NPFFR2: variants seen among roughly 807,000 people sequenced by gnomAD.
NPFFR2 encodes the protein G-protein coupled receptor 74.
In NPFFR2, 15 loss-of-function variants were observed where a neutral mutation model predicts 13.1. That is an observed-to-expected ratio of 1.15 (90% CI 0.77 to 1.76). The LOEUF (loss-of-function observed/expected upper bound fraction) is 1.76, where lower values mean the gene tolerates loss of function less well. Ranked by LOEUF, NPFFR2 falls within the 40% of genes most tolerant of loss-of-function variation. The probability of loss-of-function intolerance (pLI) is 0.00; values close to 1 mark genes in which losing one functional copy is unlikely to be tolerated. For missense variants in NPFFR2, 572 were observed against 503.5 expected, an observed-to-expected ratio of 1.14 and a Z score of -1.30; for synonymous variants, 190 against 175.7, an observed-to-expected ratio of 1.08 and a Z score of -0.65.
At chr4:72,140,805 T>C (rs1267240576) in intron 3 of NPFFR2, among the ~76,000 whole-genome samples, 7 of 152,206 alleles carry the variant, frequency 4.6e-5, no homozygotes, top group Non-Finnish European at 1.0e-4. Flanking sequence ...TTCCCTCTTT[T>C]TCTATTGATT....
chr4:72,105,858 G>A (rs1206431955), intron 1 of NPFFR2, among the ~76,000 whole-genome samples: 1 of 151,888 alleles, frequency 6.6e-6, no homozygotes, highest in Non-Finnish European at 1.5e-5. Context: ...CTTGCGTTTG[G>A]GGTTTATCCT....
rs561207130 is a variant in NPFFR2, at chr4:72,130,552, A to T, written c.328+1633A>T. ...TTGTGATGTTTATCATTAAAAAAAA[A>T]TTTTATTGAGGTTGTGATGAAAGGA... On this transcript the variant is annotated intron_variant, in intron 2 of 3. Coordinates refer to ENST00000308744, the MANE Select transcript of NPFFR2 (RefSeq NM_004885.3). Among the ~76,000 whole-genome samples, 6 of 152,188 alleles carry T rather than the reference A, an allele frequency of 3.9e-5. No individual in the cohort carries two copies. The East Asian group carries it at 9.7e-4, about 25-fold the overall frequency.
chr4:72,073,739 A>G (rs1458501640), intron 1 of NPFFR2, among the ~76,000 whole-genome samples: 1 of 152,054 alleles, frequency 6.6e-6, no homozygotes, highest in Non-Finnish European at 1.5e-5. Flanking sequence ...GACAACTAAA[A>G]AAGGTAGTGC....
intron 1 of NPFFR2, among the ~76,000 whole-genome samples, chr4:72,082,485 G>GT (rs147405640): frequency 0.03 from 4,482 of 151,896 alleles, 212 homozygotes; most frequent in African/African-American, 0.1. Context: ...TACTCAACTT[G>GT]TTTTTCTTAA....
chr4:72,068,958 T>C (rs1479276344), intron 1 of NPFFR2: 1 of 1,430,672 alleles, frequency 7.0e-7, no homozygotes, highest in South Asian at 1.4e-5. Context: ...GCTTTTGACA[T>C]ACAAGAAACA....
chr4:72,091,763 A>G (rs1560408679), intron 1 of NPFFR2, among the ~76,000 whole-genome samples: 1 of 151,688 alleles, frequency 6.6e-6, no homozygotes, highest in African/African-American at 2.4e-5. Flanking sequence ...TATCAATTTT[A>G]TTTACCTTTT....
chr4:72,140,723 T>C (rs1722581188), intron 3 of NPFFR2, among the ~76,000 whole-genome samples: 1 of 152,160 alleles, frequency 6.6e-6, no homozygotes, highest in Non-Finnish European at 1.5e-5. Context: ...AAATTCTCTT[T>C]TTTTTGGGGG....
At chr4:72,050,162 G>T (rs1719500470) in intron 1 of NPFFR2, among the ~76,000 whole-genome samples, 1 of 152,028 alleles carries the variant, frequency 6.6e-6, no homozygotes, top group Non-Finnish European at 1.5e-5. Context: ...GGAGTTTGGA[G>T]ATTTTCCATG....
chr4:72,062,906 C>A (rs1309391597), intron 1 of NPFFR2, among the ~76,000 whole-genome samples: 1 of 151,364 alleles, frequency 6.6e-6, no homozygotes, highest in Non-Finnish European at 1.5e-5. Context: ...AAACCAAGCC[C>A]ACTTCATATT....
intron 2 of NPFFR2, among the ~76,000 whole-genome samples, chr4:72,136,199 T>A (rs946631215): frequency 2.6e-5 from 4 of 151,974 alleles, no homozygotes; most frequent in South Asian, 2.1e-4. Context: ...CTACTAAAAA[T>A]TTTTTTTAAA....
At chr4:72,130,524 T>A (rs1239695747) in intron 2 of NPFFR2, among the ~76,000 whole-genome samples, 1 of 151,758 alleles carries the variant, frequency 6.6e-6, no homozygotes, top group Non-Finnish European at 1.5e-5. Context: ...TAGATCTGAG[T>A]TTTTGTGATG....
At chr4:72,098,561 G>T (rs1198102220) in intron 1 of NPFFR2, among the ~76,000 whole-genome samples, 1 of 152,114 alleles carries the variant, frequency 6.6e-6, no homozygotes, top group Non-Finnish European at 1.5e-5. Context: ...TTCCAGTGTG[G>T]TCTAGGGAAG....
At chr4:72,135,774 G>T (rs1722389717) in intron 2 of NPFFR2, among the ~76,000 whole-genome samples, 1 of 149,188 alleles carries the variant, frequency 6.7e-6, no homozygotes. Context: ...TTTCCCTAGT[G>T]TTAACTGCTT....
At chr4:72,136,259 G>C (rs893988571) in intron 2 of NPFFR2, among the ~76,000 whole-genome samples, 2 of 152,126 alleles carry the variant, frequency 1.3e-5, no homozygotes, top group African/African-American at 4.8e-5. Context: ...TCAGGAGCTT[G>C]AGGTAGGAGG....
At chr4:72,123,108 A>C (rs1721938917) in intron 1 of NPFFR2, among the ~76,000 whole-genome samples, 1 of 152,216 alleles carries the variant, frequency 6.6e-6, no homozygotes, top group Admixed American at 6.5e-5. Flanking sequence ...CCACAGAAAT[A>C]TAAACTACCA....
At chr4:72,063,130 T>C (rs4577544) in intron 1 of NPFFR2, among the ~76,000 whole-genome samples, 135,715 of 152,188 alleles carry the variant, frequency 0.89, 61,610 homozygotes, top group Non-Finnish European at 0.98. Context: ...TTTTGATGCT[T>C]TTTCTAAATA....
intron 2 of NPFFR2, among the ~76,000 whole-genome samples, 175 bp downstream of exon 2, chr4:72,129,094 T>C (rs1404974945): frequency 2.0e-5 from 3 of 152,124 alleles, no homozygotes; most frequent in Non-Finnish European, 4.4e-5. Context: ...AGATGGACAA[T>C]AAATAATTAT....
intron 1 of NPFFR2, among the ~76,000 whole-genome samples, chr4:72,084,085 C>T (rs966262820): frequency 6.6e-6 from 1 of 152,146 alleles, no homozygotes; most frequent in Admixed American, 6.6e-5. Flanking sequence ...AGAATCACTT[C>T]TTAACGACTT....
intron 1 of NPFFR2, among the ~76,000 whole-genome samples, chr4:72,119,367 A>G (rs1721802476): frequency 6.6e-6 from 1 of 152,204 alleles, no homozygotes; most frequent in Non-Finnish European, 1.5e-5. Context: ...GAAGCTTTGT[A>G]GTTATATATA....
Sources: gnomAD v4.1 joint callset for allele counts (sites outside exome capture counted in the v4.1 genomes callset) on GRCh38, gnomAD v4.1.1 for gene constraint, MANE v1.5 for transcripts, NCBI Gene and HGNC (gene_info 2026-07-23, HGNC 2026-07-21) for gene names.